MED25: variants seen among roughly 807,000 people sequenced by gnomAD.
MED25 encodes the protein mediator of RNA polymerase II transcription subunit 25.
In MED25, 62 loss-of-function variants were observed where a neutral mutation model predicts 89.4. The ratio of observed to expected loss-of-function variants is 0.69; its 90% CI spans 0.57 to 0.86. The LOEUF is 0.86. Ranked by LOEUF, MED25 falls within the 40% of genes least tolerant of loss-of-function variation. MED25 has a pLI of 0.00. For synonymous variants in MED25, 449 were observed against 427.9 expected (o/e 1.05, Z -0.61); for missense variants, 905 against 1,005.2 (o/e 0.90, Z 1.35).
At chr19:49,822,640 C>CTTTTTT (rs536060694) in intron 3 of MED25, among the ~76,000 whole-genome samples, 19 of 68,276 alleles carry the variant, frequency 2.8e-4, no homozygotes, top group East Asian at 1.1e-3. Context: ...CTGTTACATT[C>CTTTTTT]TTTTTTTTTT....
Position 49,829,193 on chromosome 19 carries a change from G to A in MED25, c.525+103G>A, listed in dbSNP as rs2074035868. ...TGGACTCCTGGGTCTGAGGGAGGAG[G>A]CACTGGGGGCCTGGACTCTTGGGTC... On this transcript the variant is annotated intron_variant, in intron 5 of 17. Coordinates refer to ENST00000312865, the MANE Select transcript of MED25 (RefSeq NM_030973.4). This position sits in a 1 kb window ranked among gnomAD's most constrained non-coding sequence, Gnocchi z 4.6. 2.9e-6 allele frequency: 3 copies of A among 1,035,838 alleles called. No homozygotes were observed. Among genetic ancestry groups the A allele is most frequent in the Non-Finnish European group, 2.9e-6 (2 of 685,860 alleles). 64.2% of individuals were successfully genotyped at this position (1,035,838 alleles called of 1,614,324 possible).
chr19:49,836,251 A>G lies in MED25; in HGVS notation c.1991A>G (p.Gln664Arg). 2 of 1,612,324 alleles carry G rather than the reference A, an allele frequency of 1.2e-6. No individual in the cohort carries two copies. Among genetic ancestry groups the G allele is most frequent in the Non-Finnish European group, 1.7e-6 (2 of 1,179,794 alleles). The change falls in exon 17 of 18, where the codon CAG (glutamine) becomes CGG (arginine). Residue 664 changes from glutamine (Q) to arginine (R), a missense_variant. Physicochemically the swap from Gln to Arg is conservative, Grantham distance 43. Around this residue, in one of 3 missense-constraint regions of MED25, gnomAD observed 271 missense variants for 258.1 expected, o/e 1.05. Transcript: ENST00000312865. The surrounding 1 kb of genome is among the most constrained non-coding windows in gnomAD (Gnocchi z 5.1). ...PPPQTGVPPP[Q>R]ASLHHLQPPG... ...CCGCAGACTGGGGTGCCCCCACCCC[A>G]GGCCTCCCTCCACCACCTCCAGCCA...
At chr19:49,818,660 G>T in intron 2 of MED25, 44 bp downstream of exon 2, 4 of 1,577,630 alleles carry the variant, frequency 2.5e-6, no homozygotes, top group South Asian at 1.1e-5. Flanking sequence ...GGGGCCGGGG[G>T]CCTGGACTCC....
chr19:49,836,687 C>G lies in MED25; in HGVS notation c.2147-160C>G, dbSNP rs1215745502. ...CAGAGAAGTAGTTTTGGAGAAGGGC[C>G]CCCAAAGGCTCATGGGAAACAGCAT... is the stretch of plus-strand genomic sequence containing the variant. On this transcript the variant is annotated intron_variant, in intron 17 of 17. Transcript: ENST00000312865. The surrounding 1 kb of genome is among the most constrained non-coding windows in gnomAD (Gnocchi z 5.1). 2.7e-6 allele frequency: 2 copies of G among 742,758 alleles called. No individual in the cohort carries two copies. Among genetic ancestry groups the G allele is most frequent in the South Asian group, 3.0e-5 (2 of 67,284 alleles). 46.0% of individuals were successfully genotyped at this position (742,758 alleles called of 1,614,324 possible).
At chr19:49,838,348 CAGA>C (rs1240400931), downstream of MED25, 19 of 350,790 alleles carry the variant, frequency 5.4e-5, no homozygotes, top group South Asian at 3.0e-4. Flanking sequence ...TTTGACAAGT[CAGA>C]AGAATTGGCA....
chr19:49,832,288 G>A lies in MED25; in HGVS notation c.1375-20G>A, dbSNP rs755187047. ...ACTTGCCCACACCAGCATGCCAGCC[G>A]ACTTCTGTGTCTCCCGCAGACCACC... On this transcript the variant is annotated intron_variant, in intron 12 of 17. Coordinates refer to ENST00000312865, the MANE Select transcript of MED25 (RefSeq NM_030973.4). 3 of 1,566,522 alleles carry A rather than the reference G, an allele frequency of 1.9e-6. No individual in the cohort carries two copies. The highest frequency in any genetic ancestry group is 2.3e-5 in the East Asian group (1 of 43,950).
chr19:49,838,522 C>T (rs1417276098), downstream of MED25: 1 of 455,112 alleles, frequency 2.2e-6, no homozygotes, highest in South Asian at 1.6e-5. Context: ...TGTGGTTGTT[C>T]TGTGGTAGCA....
At position 49,834,917 on chromosome 19, in the gene MED25, G is replaced by C; in HGVS notation, c.1483-69G>C. On this transcript the variant is annotated intron_variant, in intron 13 of 17. Transcript: ENST00000312865. The surrounding 1 kb of genome is among the most constrained non-coding windows in gnomAD (Gnocchi z 4.1). Reference sequence around the variant, plus strand: ...CCTGTGGGGCCTCTAGAGCCTTCTGGAATGGGGAGGGGGTCAGGGCTGCCT... The same window carrying C: ...CCTGTGGGGCCTCTAGAGCCTTCTGCAATGGGGAGGGGGTCAGGGCTGCCT... 9 of 1,544,816 alleles carry C rather than the reference G, an allele frequency of 5.8e-6. No homozygotes were observed. Among genetic ancestry groups the C allele is most frequent in the Non-Finnish European group, 8.0e-6 (9 of 1,120,798 alleles).
At chr19:49,818,786 G>A (rs1406960250) in intron 2 of MED25, 170 bp downstream of exon 2, 6 of 709,468 alleles carry the variant, frequency 8.5e-6, no homozygotes, top group Admixed American at 8.4e-5. Flanking sequence ...TGGACTCCTG[G>A]GTCTGAGGGT....
At position 49,822,325 on chromosome 19, in the gene MED25, A is replaced by G. The variant is rs376610910; in HGVS notation, c.305+3029A>G. On this transcript the variant is annotated intron_variant, in intron 3 of 17. Coordinates refer to ENST00000312865, the MANE Select transcript of MED25 (RefSeq NM_030973.4). ...TCAGGTGTGGTGGCATGTGCCTTGT[A>G]ATCCTAGCTACTCAGGAGGCTGAGG... Among the ~76,000 whole-genome samples the G allele has an allele frequency of 3.0e-4, 45 of 151,702 alleles. 1 individual carries two copies. Among genetic ancestry groups the G allele is most frequent in the Admixed American group, 1.1e-3 (17 of 15,246 alleles).
chr19:49,822,828 T>C (rs1053074473), intron 3 of MED25, among the ~76,000 whole-genome samples: 9 of 151,938 alleles, frequency 5.9e-5, no homozygotes, highest in African/African-American at 2.2e-4. Flanking sequence ...TTTGTATTTT[T>C]AGTAGAGACA....
In MED25 at chr19:49,829,660, C is replaced by A; in HGVS notation, c.526-126C>A. ...GGTTTCAGGGTCTCCTGCCTCAAAG[C>A]CCAATGGGAATTGTGGTTGTAGGGC... is the stretch of plus-strand genomic sequence containing the variant. On this transcript the variant is annotated intron_variant, in intron 5 of 17. Transcript: ENST00000312865. The surrounding 1 kb of genome is among the most constrained non-coding windows in gnomAD (Gnocchi z 4.6). The A allele has an allele frequency of 9.6e-7, 1 of 1,036,574 alleles. No homozygotes were observed. The highest frequency in any genetic ancestry group is 1.4e-6 in the Non-Finnish European group (1 of 708,022). 64.2% of individuals were successfully genotyped at this position (1,036,574 alleles called of 1,614,324 possible). A position where few individuals can be genotyped will look rare whatever the true frequency, so the allele number is the denominator to read the frequency against.
chr19:49,838,292 T>TCA (rs144519267), downstream of MED25: 14 of 313,616 alleles, frequency 4.5e-5, no homozygotes, highest in South Asian at 1.1e-4. Flanking sequence ...TCAGGTTAAT[T>TCA]CACACACACA....
At position 49,830,046 on chromosome 19, in the gene MED25, G is replaced by C; in HGVS notation, c.689-42G>C. 1 of 1,599,130 alleles carries C rather than the reference G, an allele frequency of 6.3e-7. No homozygotes were observed. The highest frequency in any genetic ancestry group is 1.1e-5 in the South Asian group (1 of 90,482). On this transcript the variant is annotated intron_variant, in intron 6 of 17. Coordinates refer to ENST00000312865, the MANE Select transcript of MED25 (RefSeq NM_030973.4). This position sits in a 1 kb window ranked among gnomAD's most constrained non-coding sequence, Gnocchi z 4.6. ...GATTTCTCTCCTTTCTCTGCATCTTGAATCCCTTCTCTCTGGGGTTGGCCA... is the reference window on the plus strand; with the variant it reads ...GATTTCTCTCCTTTCTCTGCATCTTCAATCCCTTCTCTCTGGGGTTGGCCA...
At chr19:49,827,246 G>A (rs1032237830) in intron 3 of MED25, among the ~76,000 whole-genome samples, 2 of 152,152 alleles carry the variant, frequency 1.3e-5, no homozygotes, top group African/African-American at 4.8e-5. Context: ...GGCCATCCCC[G>A]GGCCACAACC....
intron 3 of MED25, 29 bp downstream of exon 3, chr19:49,819,325 G>A (rs774785450): frequency 1.8e-6 from 2 of 1,132,966 alleles, no homozygotes; most frequent in Non-Finnish European, 2.3e-6. Flanking sequence ...GGGGTGGGTT[G>A]CTGGTCCCTG....
Position 49,826,563 on chromosome 19 carries a change from C to G in MED25, c.306-1886C>G, listed in dbSNP as rs903119802. Among the ~76,000 whole-genome samples the G allele has an allele frequency of 4.6e-5, 7 of 152,340 alleles. No individual in the cohort carries two copies. The South Asian group carries it at 1.5e-3, about 32-fold the overall frequency. ...CCAGGCCACCAGTGCACTGAGTACT[C>G]AGCAGATGGTTCCTAGGCCTTGTGT... On this transcript the variant is annotated intron_variant, in intron 3 of 17. Transcript: ENST00000312865.
At chr19:49,828,678 C>G in intron 4 of MED25, 131 bp downstream of exon 4, 1 of 938,966 alleles carries the variant, frequency 1.1e-6, no homozygotes, top group Non-Finnish European at 1.7e-6. Flanking sequence ...GCACGCTGAG[C>G]CAGGAGGCTG....
Position 49,834,673 on chromosome 19 carries a change from G to C in MED25, c.1483-313G>C, listed in dbSNP as rs1006955843. On this transcript the variant is annotated intron_variant, in intron 13 of 17. Coordinates refer to ENST00000312865, the MANE Select transcript of MED25 (RefSeq NM_030973.4). This position sits in a 1 kb window ranked among gnomAD's most constrained non-coding sequence, Gnocchi z 4.1. ...GTGACCCTCAGCCGCCCTCTGAGGA[G>C]GCCGCCGTGGCATTTTATGCCCAAG... is the stretch of plus-strand genomic sequence containing the variant. 6.8e-6 allele frequency: 3 copies of C among 439,052 alleles called. No individual in the cohort carries two copies. The highest frequency in any genetic ancestry group is 2.0e-5 in the African/African-American group (1 of 50,060). The allele number at this position is 439,052 out of a possible 1,614,324, so 27.2% of individuals were successfully genotyped here. A position where few individuals can be genotyped will look rare whatever the true frequency, so the allele number is the denominator to read the frequency against.
Sources: allele counts gnomAD v4.1 joint callset (sites outside exome capture counted in the v4.1 genomes callset), GRCh38; gene constraint gnomAD v4.1.1; regional missense constraint gnomAD v4.1.1; non-coding constraint Gnocchi (gnomAD v3.1); transcripts MANE v1.5; gene names NCBI Gene and HGNC (gene_info 2026-07-23, HGNC 2026-07-21).